SPOCK1: variants seen among roughly 807,000 people sequenced by gnomAD.
SPOCK1 encodes SPARC (osteonectin), cwcv and kazal like domains proteoglycan 1, also known as testican-1.
A neutral mutation model predicts 55.3 loss-of-function variants in SPOCK1; 23 were observed. The observed-to-expected ratio is 0.42, with a 90% CI of 0.30 to 0.59. The LOEUF (loss-of-function observed/expected upper bound fraction) is 0.59. Among genes scored for constraint, SPOCK1 ranks in the 20% least tolerant of loss-of-function variants. SPOCK1 has a pLI of 0.22. For synonymous variants in SPOCK1, 226 were observed against 221.0 expected, an observed-to-expected ratio of 1.02 and a Z score of -0.20; for missense variants, 499 against 552.5, an observed-to-expected ratio of 0.90 and a Z score of 0.97.
chr5:137,426,213 C>T (rs914133534), intron 2 of SPOCK1, among the ~76,000 whole-genome samples: 1 of 152,196 alleles, frequency 6.6e-6, no homozygotes. Context: ...TTAGTGTTAG[C>T]TGCCTATCAT....
intron 3 of SPOCK1, among the ~76,000 whole-genome samples, chr5:137,236,844 A>G (rs1671106011): frequency 6.6e-6 from 1 of 152,202 alleles, no homozygotes; most frequent in Non-Finnish European, 1.5e-5. Context: ...CCTGAACTGG[A>G]CAAGATACCT....
intron 2 of SPOCK1, among the ~76,000 whole-genome samples, chr5:137,327,047 A>G (rs902678533): frequency 6.6e-6 from 1 of 152,262 alleles, no homozygotes; most frequent in Non-Finnish European, 1.5e-5. Context: ...TGACTTAAAC[A>G]GAACTTTTTG....
At chr5:137,086,437 G>T (rs1288727293) in intron 5 of SPOCK1, among the ~76,000 whole-genome samples, 3 of 152,188 alleles carry the variant, frequency 2.0e-5, no homozygotes, top group African/African-American at 7.2e-5. Flanking sequence ...CAGGGAGGAG[G>T]TCACAAAAGA....
intron 2 of SPOCK1, among the ~76,000 whole-genome samples, chr5:137,427,907 T>TA (rs75837887): frequency 0.33 from 33,793 of 103,954 alleles, 5,311 homozygotes; most frequent in Admixed American, 0.41. Flanking sequence ...AGACTCCGTC[T>TA]AAAAAAAAAA....
intron 6 of SPOCK1, among the ~76,000 whole-genome samples, chr5:137,062,070 A>T (rs1241266377): frequency 6.6e-6 from 1 of 152,176 alleles, no homozygotes; most frequent in East Asian, 1.9e-4. Context: ...TGTGGACTGA[A>T]TAAAGACCAG....
At chr5:137,153,559 G>A (rs1177831360) in intron 3 of SPOCK1, among the ~76,000 whole-genome samples, 1 of 152,062 alleles carries the variant, frequency 6.6e-6, no homozygotes, top group East Asian at 1.9e-4. Flanking sequence ...AAGAAAAGAG[G>A]GGAAGAGAAA....
intron 2 of SPOCK1, among the ~76,000 whole-genome samples, chr5:137,291,748 AG>A (rs1360118821): frequency 1.3e-5 from 2 of 152,202 alleles, no homozygotes; most frequent in East Asian, 3.9e-4. Flanking sequence ...TCTGTCCCAC[AG>A]GCTTCCCCCT....
At chr5:137,337,832 T>C (rs958529585) in intron 2 of SPOCK1, among the ~76,000 whole-genome samples, 3 of 152,218 alleles carry the variant, frequency 2.0e-5, no homozygotes, top group African/African-American at 7.2e-5. Flanking sequence ...TCTGATTCTC[T>C]TTCAAACAAG....
chr5:137,058,410 T>G (rs574143252), intron 6 of SPOCK1, among the ~76,000 whole-genome samples: 1 of 152,336 alleles, frequency 6.6e-6, no homozygotes, highest in Non-Finnish European at 1.5e-5. Flanking sequence ...CTTAGCACAA[T>G]TCACAAATTA....
At chr5:137,027,864 T>G (rs933128715) in intron 6 of SPOCK1, among the ~76,000 whole-genome samples, 1 of 152,258 alleles carries the variant, frequency 6.6e-6, no homozygotes, top group African/African-American at 2.4e-5. Context: ...GCTGCACTGC[T>G]GAAAAGCCTG....
chr5:137,479,472 C>T (rs1230412833), intron 2 of SPOCK1, among the ~76,000 whole-genome samples: 2 of 152,204 alleles, frequency 1.3e-5, no homozygotes, highest in Non-Finnish European at 2.9e-5. Flanking sequence ...ATACCACTGG[C>T]CAAGCATGTG....
chr5:136,998,995 A>C (rs142482076), intron 6 of SPOCK1, among the ~76,000 whole-genome samples: 2 of 152,176 alleles, frequency 1.3e-5, no homozygotes, highest in African/African-American at 2.4e-5. Context: ...GTCTCCATGG[A>C]AAGTACATAG....
chr5:136,985,140 C>A lies in SPOCK1; in HGVS notation c.991G>T (p.Gly331Trp). ...ATGAGTGGCAAGAAATTGTACTTACCCAACAGGCTTTTCCCCTTACTCAGC... is the reference window on the plus strand; with the variant it reads ...ATGAGTGGCAAGAAATTGTACTTACACAACAGGCTTTTCCCCTTACTCAGC... ...QKLSKGKSLL[G>W]AFIPRCNEEG... Residue 331 changes from glycine (G) to tryptophan (W), a missense_variant and splice_region_variant, in exon 9 of 11, where the codon GGG becomes TGG. Physicochemically the swap from Gly to Trp is radical, Grantham distance 184. Around this residue, in one of 3 missense-constraint regions of SPOCK1, gnomAD observed 30 missense variants for 64.4 expected, o/e 0.47. Coordinates refer to ENST00000394945, the MANE Select transcript of SPOCK1 (RefSeq NM_004598.4). 1 of 1,614,044 alleles carries A rather than the reference C, an allele frequency of 6.2e-7. No individual in the cohort carries two copies. Among genetic ancestry groups the A allele is most frequent in the African/African-American group, 1.3e-5 (1 of 75,034 alleles).
intron 6 of SPOCK1, among the ~76,000 whole-genome samples, chr5:137,031,406 T>C (rs1751777079): frequency 6.6e-6 from 1 of 152,252 alleles, no homozygotes; most frequent in South Asian, 2.1e-4. Context: ...AATGTAATTA[T>C]GCCATTTCTC....
intron 6 of SPOCK1, among the ~76,000 whole-genome samples, chr5:137,008,973 C>T (rs1751301981): frequency 6.6e-6 from 1 of 151,968 alleles, no homozygotes; most frequent in African/African-American, 2.4e-5. Flanking sequence ...CACACACATG[C>T]CCTGCCACAC....
chr5:137,051,362 G>A (rs1752205570), intron 6 of SPOCK1, among the ~76,000 whole-genome samples: 1 of 152,200 alleles, frequency 6.6e-6, no homozygotes. Flanking sequence ...GGCGCTGCCT[G>A]GTGAAAGCTT....
At chr5:137,025,924 G>A (rs993732899) in intron 6 of SPOCK1, among the ~76,000 whole-genome samples, 1 of 152,198 alleles carries the variant, frequency 6.6e-6, no homozygotes, top group African/African-American at 2.4e-5. Flanking sequence ...AAGGCAGCTA[G>A]GGAGGTATTA....
At chr5:137,271,273 C>T (rs1291896312) in intron 2 of SPOCK1, among the ~76,000 whole-genome samples, 3 of 151,286 alleles carry the variant, frequency 2.0e-5, no homozygotes, top group Non-Finnish European at 2.9e-5. Flanking sequence ...TATTGGCACT[C>T]GATGGCTGGT....
intron 5 of SPOCK1, among the ~76,000 whole-genome samples, chr5:137,077,834 T>C (rs140755309): frequency 2.7e-4 from 41 of 152,288 alleles, no homozygotes; most frequent in African/African-American, 9.1e-4. Context: ...TCCATGCTCA[T>C]ACACCCTAGG....
Sources: allele counts gnomAD v4.1 joint callset (sites outside exome capture counted in the v4.1 genomes callset), GRCh38; gene constraint gnomAD v4.1.1; regional missense constraint gnomAD v4.1.1; transcripts MANE v1.5; gene names NCBI Gene and HGNC (gene_info 2026-07-23, HGNC 2026-07-21).